VDAC1: variants seen among roughly 807,000 people sequenced by gnomAD.
VDAC1 encodes non-selective voltage-gated ion channel VDAC1.
A neutral mutation model predicts 34.7 loss-of-function variants in VDAC1; 10 were observed. That is an observed-to-expected ratio of 0.29 (90% CI 0.18 to 0.49). The LOEUF (loss-of-function observed/expected upper bound fraction) is 0.49. Among genes scored for constraint, VDAC1 ranks in the 20% least tolerant of loss-of-function variants. The probability of loss-of-function intolerance (pLI) is 0.99; values close to 1 mark genes in which losing one functional copy is unlikely to be tolerated. For synonymous variants in VDAC1, 130 were observed against 136.0 expected (o/e 0.96, Z 0.30); for missense variants, 230 against 347.9 (o/e 0.66, Z 2.69).
intron 3 of VDAC1, 112 bp downstream of exon 3, chr5:133,992,194 C>T: frequency 1.4e-6 from 1 of 717,040 alleles, no homozygotes; most frequent in Non-Finnish European, 1.9e-6. Context: ...TGAGATCACG[C>T]CATTGTACTC....
the VDAC1 span, among the ~76,000 whole-genome samples, chr5:134,063,773 G>A: frequency 5.9e-5 from 9 of 152,264 alleles, no homozygotes; most frequent in African/African-American, 2.2e-4. Flanking sequence ...GGCCTGAACT[G>A]CTAACCACAG....
At chr5:134,007,852 G>A (rs1295159192), upstream of VDAC1, among the ~76,000 whole-genome samples, 1 of 152,128 alleles carries the variant, frequency 6.6e-6, no homozygotes, top group Non-Finnish European at 1.5e-5. Context: ...GGGTTTCCCT[G>A]TTCCACTTCA....
intron 1 of VDAC1, among the ~76,000 whole-genome samples, chr5:133,999,845 G>A (rs1157312448): frequency 6.6e-6 from 1 of 152,006 alleles, no homozygotes; most frequent in Non-Finnish European, 1.5e-5. Flanking sequence ...CATCATCATT[G>A]CCATCATCTT....
At chr5:134,024,540 GAAA>G in the VDAC1 span, among the ~76,000 whole-genome samples, 7 of 76,918 alleles carry the variant, frequency 9.1e-5, no homozygotes, top group African/African-American at 3.0e-4. Flanking sequence ...AAAAAAAAAA[GAAA>G]AAAAAAAAAA....
chr5:134,014,809 C>T, the VDAC1 span, among the ~76,000 whole-genome samples: 26 of 151,878 alleles, frequency 1.7e-4, no homozygotes, highest in Non-Finnish European at 2.5e-4. Context: ...GAGGTTTCAG[C>T]GAGCCAAGAT....
At chr5:134,025,043 C>T in the VDAC1 span, among the ~76,000 whole-genome samples, 1 of 152,206 alleles carries the variant, frequency 6.6e-6, no homozygotes, top group Non-Finnish European at 1.5e-5. Flanking sequence ...CTGTCCCAGG[C>T]GTGGGATGAG....
At chr5:134,087,040 G>A in the VDAC1 span, among the ~76,000 whole-genome samples, 2 of 152,076 alleles carry the variant, frequency 1.3e-5, no homozygotes, top group Non-Finnish European at 2.9e-5. Flanking sequence ...GGCGGCGTGC[G>A]GTGGGAATAC....
At chr5:134,090,930 A>G in the VDAC1 span, among the ~76,000 whole-genome samples, 1 of 152,158 alleles carries the variant, frequency 6.6e-6, no homozygotes, top group Non-Finnish European at 1.5e-5. Context: ...GCATGCTCAG[A>G]TCCAACTGCA....
chr5:134,059,175 G>A, the VDAC1 span, among the ~76,000 whole-genome samples: 3 of 152,148 alleles, frequency 2.0e-5, no homozygotes, highest in African/African-American at 7.2e-5. Flanking sequence ...CCAGGCTGAG[G>A]GCTGTAAGGA....
At chr5:134,053,879 T>TA in the VDAC1 span, among the ~76,000 whole-genome samples, 1 of 152,180 alleles carries the variant, frequency 6.6e-6, no homozygotes. Flanking sequence ...CATTTACTCC[T>TA]ACTCATTAAA....
At chr5:134,109,587 T>C in the VDAC1 span, among the ~76,000 whole-genome samples, 1 of 152,042 alleles carries the variant, frequency 6.6e-6, no homozygotes, top group South Asian at 2.1e-4. Flanking sequence ...ATGGCCAACA[T>C]GGTGAAACCC....
chr5:134,078,858 C>T, the VDAC1 span, among the ~76,000 whole-genome samples: 1 of 151,974 alleles, frequency 6.6e-6, no homozygotes. Context: ...ACCATGTTGG[C>T]CAGGCTGCTC....
At chr5:134,107,360 T>G in the VDAC1 span, among the ~76,000 whole-genome samples, 1 of 152,224 alleles carries the variant, frequency 6.6e-6, no homozygotes, top group Non-Finnish European at 1.5e-5. Flanking sequence ...GGGCCATGGC[T>G]GGCCAGCTCT....
At chr5:134,059,614 A>AC in the VDAC1 span, among the ~76,000 whole-genome samples, 2 of 151,830 alleles carry the variant, frequency 1.3e-5, no homozygotes, top group Non-Finnish European at 2.9e-5. Context: ...GCATCAGCAC[A>AC]CCCCCGAGCC....
the VDAC1 span, among the ~76,000 whole-genome samples, chr5:134,101,838 G>T: frequency 6.6e-6 from 1 of 152,330 alleles, no homozygotes; most frequent in East Asian, 1.9e-4. Context: ...TTTCAGAACT[G>T]CTGAGCAGCT....
At chr5:134,027,471 A>G in the VDAC1 span, among the ~76,000 whole-genome samples, 2 of 152,186 alleles carry the variant, frequency 1.3e-5, no homozygotes, top group African/African-American at 4.8e-5. Context: ...CTCAGGCTGC[A>G]GGGAGAGACA....
At chr5:134,038,724 A>T in the VDAC1 span, among the ~76,000 whole-genome samples, 1 of 152,198 alleles carries the variant, frequency 6.6e-6, no homozygotes, top group Admixed American at 6.5e-5. Flanking sequence ...TTTGCTAATT[A>T]CCCCGTGACA....
chr5:134,018,821 T>A, the VDAC1 span, among the ~76,000 whole-genome samples: 8 of 152,326 alleles, frequency 5.3e-5, no homozygotes, highest in East Asian at 9.6e-4. Context: ...ATGGAGACGA[T>A]GTCAGCCCTG....
At chr5:134,059,315 G>A in the VDAC1 span, among the ~76,000 whole-genome samples, 1 of 152,216 alleles carries the variant, frequency 6.6e-6, no homozygotes, top group Admixed American at 6.5e-5. Flanking sequence ...TCCCAGGAGA[G>A]AGGCTTGGAC....
Sources: allele counts gnomAD v4.1 joint callset (sites outside exome capture counted in the v4.1 genomes callset), GRCh38; gene constraint gnomAD v4.1.1; transcripts MANE v1.5; gene names NCBI Gene and HGNC (gene_info 2026-07-23, HGNC 2026-07-21).